The following PUM1 variants were observed in gnomAD, a reference collection of about 807,000 sequenced individuals.
PUM1 encodes the protein pumilio homolog 1.
A neutral mutation model predicts 131.8 loss-of-function variants in PUM1; 13 were observed. That is an observed-to-expected ratio of 0.10 (90% CI 0.06 to 0.16). PUM1 has a LOEUF of 0.16. PUM1 is among the 10% of genes least tolerant of loss of function. The probability of loss-of-function intolerance (pLI) is 1.00; values close to 1 mark genes in which losing one functional copy is unlikely to be tolerated. For synonymous variants in PUM1, 509 were observed against 556.5 expected (o/e 0.91, Z 1.20); for missense variants, 961 against 1,512.4 (o/e 0.64, Z 6.05).
intron 18 of PUM1, among the ~76,000 whole-genome samples, chr1:30,943,331 C>G (rs998201600): frequency 6.6e-6 from 1 of 151,902 alleles, no homozygotes; most frequent in Non-Finnish European, 1.5e-5. Context: ...GGCACCATCT[C>G]GGCTCACTGC....
intron 3 of PUM1, among the ~76,000 whole-genome samples, chr1:31,013,801 C>A (rs1310935271): frequency 3.3e-5 from 5 of 152,166 alleles, no homozygotes; most frequent in Non-Finnish European, 7.3e-5. Flanking sequence ...CTTATGTAGT[C>A]TCTCCATACC....
At chr1:31,001,300 C>T (rs1270989035) in intron 5 of PUM1, among the ~76,000 whole-genome samples, 1 of 151,842 alleles carries the variant, frequency 6.6e-6, no homozygotes, top group Admixed American at 6.6e-5. Context: ...ACCCAGGAAG[C>T]AGAAGTTGCA....
At chr1:30,939,204 T>G (rs1307774006) in intron 20 of PUM1, among the ~76,000 whole-genome samples, 1 of 152,196 alleles carries the variant, frequency 6.6e-6, no homozygotes. Context: ...AACTCAGACT[T>G]CTGCTATGTT....
intron 14 of PUM1, among the ~76,000 whole-genome samples, chr1:30,955,279 C>A (rs565448303): frequency 6.7e-6 from 1 of 148,424 alleles, no homozygotes; most frequent in Non-Finnish European, 1.5e-5. Context: ...CACGGTGAAA[C>A]CCCGACTCTA....
intron 7 of PUM1, among the ~76,000 whole-genome samples, chr1:30,988,882 C>G (rs549981979): frequency 1.3e-5 from 2 of 152,278 alleles, no homozygotes; most frequent in South Asian, 4.2e-4. Flanking sequence ...GATTCAGAAC[C>G]CATTAATTTA....
At chr1:30,937,960 C>CG (rs1417528826) in intron 20 of PUM1, among the ~76,000 whole-genome samples, 3 of 151,990 alleles carry the variant, frequency 2.0e-5, no homozygotes, top group Non-Finnish European at 4.4e-5. Context: ...TTAGTAGAGA[C>CG]GGGGTTTCAC....
chr1:31,009,736 C>G (rs1347436326), intron 3 of PUM1, among the ~76,000 whole-genome samples: 1 of 134,272 alleles, frequency 7.4e-6, no homozygotes, highest in African/African-American at 2.9e-5. Flanking sequence ...CCACTGTACT[C>G]CAGCCTGGGC....
intron 21 of PUM1, 34 bp from the exon 22 acceptor site, chr1:30,933,376 T>C (rs1639036427): frequency 6.2e-7 from 1 of 1,603,994 alleles, no homozygotes; most frequent in African/African-American, 1.3e-5. Flanking sequence ...TTACATGGCC[T>C]GAGATGAGAC....
At chr1:31,053,616 G>A (rs1321933549) in intron 2 of PUM1, among the ~76,000 whole-genome samples, 1 of 151,658 alleles carries the variant, frequency 6.6e-6, no homozygotes, top group Non-Finnish European at 1.5e-5. Flanking sequence ...GGGACCACAG[G>A]CACAGCGCCA....
At chr1:31,005,753 A>C in intron 5 of PUM1, 100 bp downstream of exon 5, 1 of 1,180,344 alleles carries the variant, frequency 8.5e-7, no homozygotes, top group South Asian at 1.6e-5. Flanking sequence ...TGAACATCTA[A>C]GGAAACTAAA....
At chr1:30,967,687 C>T (rs1640679735) in intron 11 of PUM1, among the ~76,000 whole-genome samples, 4 of 152,138 alleles carry the variant, frequency 2.6e-5, no homozygotes, top group Admixed American at 2.0e-4. Flanking sequence ...ACAAATGAAA[C>T]AGGTTAAAGT....
At chr1:31,016,896 G>T (rs1480941821) in intron 3 of PUM1, among the ~76,000 whole-genome samples, 1 of 152,044 alleles carries the variant, frequency 6.6e-6, no homozygotes, top group Non-Finnish European at 1.5e-5. Context: ...TTTTTTAAAG[G>T]TTTTCCCAGG....
intron 7 of PUM1, among the ~76,000 whole-genome samples, chr1:30,985,648 C>T (rs1202233209): frequency 5.1e-5 from 5 of 97,582 alleles, no homozygotes; most frequent in Admixed American, 9.7e-5. Flanking sequence ...GAAACTCCAT[C>T]TCAAAAAAAA....
chr1:30,934,961 G>A (rs1639140113), intron 21 of PUM1, among the ~76,000 whole-genome samples: 1 of 152,150 alleles, frequency 6.6e-6, no homozygotes, highest in Non-Finnish European at 1.5e-5. Context: ...TAATGGAAGA[G>A]CTGAAAAACT....
chr1:30,983,573 A>T (rs1373451642), intron 7 of PUM1, among the ~76,000 whole-genome samples: 1 of 152,120 alleles, frequency 6.6e-6, no homozygotes, highest in Non-Finnish European at 1.5e-5. Context: ...GTCCACTGCC[A>T]TTCCATCTGA....
At chr1:30,941,127 G>C (rs1557544415) in intron 20 of PUM1, 24 bp downstream of exon 20, 1 of 1,600,464 alleles carries the variant, frequency 6.2e-7, no homozygotes, top group Non-Finnish European at 8.5e-7. Flanking sequence ...CTGGGAAATA[G>C]TCCTTGTAAC....
chr1:30,985,278 C>T (rs1641505917), intron 7 of PUM1, among the ~76,000 whole-genome samples: 1 of 152,134 alleles, frequency 6.6e-6, no homozygotes, highest in South Asian at 2.1e-4. Flanking sequence ...TTCTGAGAGT[C>T]ACCCTTTACA....
At chr1:30,959,932 A>T (rs939983446) in intron 14 of PUM1, among the ~76,000 whole-genome samples, 27 of 152,038 alleles carry the variant, frequency 1.8e-4, no homozygotes, top group African/African-American at 5.6e-4. Context: ...GGCATAAAAA[A>T]CACTTGACAA....
intron 2 of PUM1, chr1:31,050,802 C>A: frequency 6.0e-6 from 1 of 166,878 alleles, no homozygotes; most frequent in African/African-American, 2.4e-5. Context: ...ATAGTAGTCC[C>A]TGTTAATTAC....
Sources: allele counts gnomAD v4.1 joint callset (sites outside exome capture counted in the v4.1 genomes callset), GRCh38; gene constraint gnomAD v4.1.1; transcripts MANE v1.5; gene names NCBI Gene and HGNC (gene_info 2026-07-23, HGNC 2026-07-21).